Variants in CBLB observed in about 807,000 individuals in gnomAD.
CBLB encodes the protein Cbl proto-oncogene B, also known as E3 ubiquitin-protein ligase CBL-B.
A neutral mutation model predicts 104.9 loss-of-function variants in CBLB; 31 were observed. The ratio of observed to expected loss-of-function variants is 0.30; its 90% CI spans 0.22 to 0.40. The LOEUF (loss-of-function observed/expected upper bound fraction) is 0.40, where lower values mean the gene tolerates loss of function less well. Ranked by LOEUF, CBLB falls within the 10% of genes least tolerant of loss-of-function variation. The pLI, the probability that CBLB is intolerant of heterozygous loss-of-function variation, is 1.00. For missense variants in CBLB, 1,062 were observed against 1,214.6 expected, an observed-to-expected ratio of 0.87 and a Z score of 1.87; for synonymous variants, 440 against 422.6, an observed-to-expected ratio of 1.04 and a Z score of -0.51.
At chr3:105,771,442 A>C (rs1016755060) in intron 4 of CBLB, among the ~76,000 whole-genome samples, 2 of 152,200 alleles carry the variant, frequency 1.3e-5, no homozygotes, top group Non-Finnish European at 2.9e-5. Context: ...AATGGCAAAA[A>C]GTTGAAAGCA....
Position 105,656,348 on chromosome 3 carries a change from G to A in CBLB, c.*2622C>T, listed in dbSNP as rs1262023946. The A allele has an allele frequency of 2.5e-5, 5 of 203,474 alleles. No homozygotes were observed. The highest frequency in any genetic ancestry group is 1.1e-4 in the African/African-American group (5 of 43,614). The allele number at this position is 203,474 out of a possible 1,614,324, so 12.6% of individuals were successfully genotyped here. On this transcript the variant is annotated 3_prime_UTR_variant, in exon 19 of 19. Coordinates refer to ENST00000394030, the MANE Select transcript of CBLB (RefSeq NM_170662.5). ...AATGTCTAACTTTTTGGATCACAGT[G>A]AAACAAAGTCTGGATCACTTCCAGA...
intron 10 of CBLB, among the ~76,000 whole-genome samples, chr3:105,718,477 C>T (rs1475946674): frequency 2.0e-5 from 3 of 152,100 alleles, no homozygotes; most frequent in Admixed American, 1.3e-4. Context: ...GAGGAAAACT[C>T]GCACACAGCC....
chr3:105,736,461 C>CATGTGAGTATGTGAGT (rs1161409138), intron 8 of CBLB, among the ~76,000 whole-genome samples: 5 of 152,150 alleles, frequency 3.3e-5, no homozygotes, highest in African/African-American at 1.2e-4. Flanking sequence ...CAGAAGTTCC[C>CATGTGAGTATGTGAGT]ATGTGAGTAT....
At chr3:105,693,805 T>A (rs1041811492) in intron 12 of CBLB, among the ~76,000 whole-genome samples, 1 of 152,048 alleles carries the variant, frequency 6.6e-6, no homozygotes, top group African/African-American at 2.4e-5. Context: ...TGTTACACCA[T>A]GATTCTTAAA....
rs762577904 is a variant in CBLB at position 105,853,678 on chromosome 3, T to C, written c.169-14A>G. Reference sequence around the variant, plus strand: ...GCACAGTCTTACCTAAAAACAAAGATAAAAATAAAATAAGTCATAATATTT... The same window carrying C: ...GCACAGTCTTACCTAAAAACAAAGACAAAAATAAAATAAGTCATAATATTT... On this transcript the variant is annotated splice_polypyrimidine_tract_variant and intron_variant, in intron 2 of 18. Transcript: ENST00000394030. 5 of 1,554,058 alleles carry C rather than the reference T, an allele frequency of 3.2e-6. No homozygotes were observed. Among genetic ancestry groups the C allele is most frequent in the East Asian group, 4.5e-5 (2 of 44,012 alleles).
At chr3:105,686,455 A>G (rs1265244547) in intron 13 of CBLB, among the ~76,000 whole-genome samples, 2 of 151,880 alleles carry the variant, frequency 1.3e-5, no homozygotes, top group African/African-American at 4.8e-5. Flanking sequence ...AGGAAGGAAA[A>G]AAAAAAAACA....
chr3:105,730,635 A>G (rs2074215114), intron 9 of CBLB, among the ~76,000 whole-genome samples: 1 of 152,146 alleles, frequency 6.6e-6, no homozygotes, highest in African/African-American at 2.4e-5. Context: ...GAGCTTACAG[A>G]AACATATACA....
intron 5 of CBLB, among the ~76,000 whole-genome samples, chr3:105,748,103 G>A (rs1056587499): frequency 6.6e-6 from 1 of 152,126 alleles, no homozygotes; most frequent in Non-Finnish European, 1.5e-5. Flanking sequence ...AAAACAAAGT[G>A]CTTTGGAGAG....
At chr3:105,671,134 T>C in intron 17 of CBLB, 1 of 191,872 alleles carries the variant, frequency 5.2e-6, no homozygotes, top group Non-Finnish European at 1.1e-5. Context: ...AAATCATTAA[T>C]ACCATAAACC....
At chr3:105,826,099 C>CCAGCATGACACAACTA (rs1217048502) in intron 3 of CBLB, among the ~76,000 whole-genome samples, 1 of 151,922 alleles carries the variant, frequency 6.6e-6, no homozygotes, top group Non-Finnish European at 1.5e-5. Flanking sequence ...TGACACGGCT[C>CCAGCATGACACAACTA]CAGCATGACA....
chr3:105,788,364 A>AG (rs2081264451), intron 3 of CBLB, among the ~76,000 whole-genome samples: 1 of 152,192 alleles, frequency 6.6e-6, no homozygotes, highest in Non-Finnish European at 1.5e-5. Context: ...TAAAAAAAAA[A>AG]GCAGGAGTGT....
chr3:105,776,270 C>T (rs2079444416), intron 4 of CBLB, 126 bp downstream of exon 4: 4 of 849,086 alleles, frequency 4.7e-6, no homozygotes, highest in Admixed American at 2.4e-5. Context: ...AATCAAAATG[C>T]TTATCAAAAA....
intron 3 of CBLB, among the ~76,000 whole-genome samples, chr3:105,780,665 T>G (rs1238449880): frequency 8.1e-6 from 1 of 123,606 alleles, no homozygotes; most frequent in East Asian, 2.1e-4. Context: ...TTTTTGTTTT[T>G]TTTTTTTTTT....
rs1470022359 is a variant in CBLB at position 105,790,784 on chromosome 3, A to AG, written c.420-14243dup. 2.0e-5 allele frequency among the ~76,000 whole-genome samples: 3 copies of AG among 152,342 alleles called. No individual in the cohort carries two copies. The East Asian group carries it at 5.8e-4, about 29-fold the overall frequency. On this transcript the variant is annotated intron_variant, in intron 3 of 18. Coordinates refer to ENST00000394030, the MANE Select transcript of CBLB (RefSeq NM_170662.5). ...CTGGCAGATGAAGGCATACAGATGT[A>AG]GACCAGTATGGCAATATGACAGACT...
At chr3:105,812,219 G>A in intron 3 of CBLB, among the ~76,000 whole-genome samples, 1 of 152,136 alleles carries the variant, frequency 6.6e-6, no homozygotes. Flanking sequence ...AAAAGATAAT[G>A]CTGCAAATGT....
intron 10 of CBLB, among the ~76,000 whole-genome samples, chr3:105,715,067 G>C (rs2071654397): frequency 6.6e-6 from 1 of 152,052 alleles, no homozygotes; most frequent in African/African-American, 2.4e-5. Context: ...TATGTATTTG[G>C]TGACTAATAC....
intron 3 of CBLB, among the ~76,000 whole-genome samples, chr3:105,832,760 A>G (rs551737403): frequency 6.6e-6 from 1 of 152,348 alleles, no homozygotes; most frequent in African/African-American, 2.4e-5. Flanking sequence ...TGAGTGCATT[A>G]TCTATCCTTC....
rs567333280 is a variant in CBLB, at chr3:105,817,852, C to T, written c.419+35562G>A. 5.3e-5 allele frequency among the ~76,000 whole-genome samples: 8 copies of T among 152,148 alleles called. No homozygotes were observed. In the South Asian group the frequency reaches 8.3e-4, roughly 16 times the overall value. ...GTATCCGAGGTGTTATATAAATACA[C>T]GTAAAGCAAAGTACATCATCACAAC... On this transcript the variant is annotated intron_variant, in intron 3 of 18. Coordinates refer to ENST00000394030, the MANE Select transcript of CBLB (RefSeq NM_170662.5).
At chr3:105,722,017 A>T (rs1014991682) in intron 9 of CBLB, among the ~76,000 whole-genome samples, 1 of 151,906 alleles carries the variant, frequency 6.6e-6, no homozygotes, top group Non-Finnish European at 1.5e-5. Flanking sequence ...ACATAGCAAG[A>T]CCTTGTCTCT....
Sources: allele counts gnomAD v4.1 joint callset (sites outside exome capture counted in the v4.1 genomes callset), GRCh38; gene constraint gnomAD v4.1.1; transcripts MANE v1.5; gene names NCBI Gene and HGNC (gene_info 2026-07-23, HGNC 2026-07-21).